Variants in NFIA observed in about 807,000 individuals in gnomAD.
The protein encoded by NFIA is nuclear factor 1 A-type.
Under a neutral mutation model 62.8 loss-of-function variants are expected in NFIA, and 8 were observed. The ratio of observed to expected loss-of-function variants is 0.13; its 90% CI spans 0.07 to 0.23. The LOEUF (loss-of-function observed/expected upper bound fraction) is 0.23, where lower values mean the gene tolerates loss of function less well. NFIA is among the 10% of genes least tolerant of loss of function. The pLI is 1.00. For synonymous variants in NFIA, 235 were observed against 238.1 expected (o/e 0.99, Z 0.12); for missense variants, 410 against 642.1 (o/e 0.64, Z 3.91).
Position 61,461,651 on chromosome 1 carries a change from G to A in NFIA, c.*6331G>A, listed in dbSNP as rs1373153182. 6.6e-6 allele frequency: 1 copy of A among 152,124 alleles called. No homozygotes were observed. The highest frequency in any genetic ancestry group is 1.5e-5 in the Non-Finnish European group (1 of 68,026). 9.4% of individuals were successfully genotyped at this position (152,124 alleles called of 1,614,324 possible). A position where few individuals can be genotyped will look rare whatever the true frequency, so the allele number is the denominator to read the frequency against. The stretch of plus-strand genomic sequence containing the variant: ...TGAGAACAGGGAGACAGTGTGTGGG[G>A]GTGGGACCTCATCTGTGTGCCTGGT... On this transcript the variant is annotated 3_prime_UTR_variant, in exon 11 of 11. Transcript: ENST00000403491.
intron 2 of NFIA, among the ~76,000 whole-genome samples, chr1:61,185,635 CTTT>C (rs755426214): frequency 2.3e-5 from 3 of 130,696 alleles, no homozygotes; most frequent in Admixed American, 7.8e-5. Context: ...TCTAACCCCA[CTTT>C]TTTTTTTTTT....
intron 6 of NFIA, among the ~76,000 whole-genome samples, chr1:61,383,002 A>G (rs944878961): frequency 5.9e-5 from 9 of 152,200 alleles, no homozygotes; most frequent in Non-Finnish European, 1.2e-4. Flanking sequence ...TAACCCAAAA[A>G]TGGACTGTGA....
intron 4 of NFIA, among the ~76,000 whole-genome samples, chr1:61,334,070 C>T (rs973497812): frequency 3.9e-5 from 6 of 152,160 alleles, no homozygotes; most frequent in East Asian, 3.9e-4. Flanking sequence ...TGCCAGTATC[C>T]GTACTCTTAG....
intron 3 of NFIA, among the ~76,000 whole-genome samples, chr1:61,319,523 T>A (rs72911974): frequency 0.024 from 3,632 of 152,164 alleles, 175 homozygotes; most frequent in African/African-American, 0.08. Flanking sequence ...TCAAGCTGTG[T>A]GTCTGTGTGT....
chr1:61,279,148 G>C (rs1220206083), intron 3 of NFIA, among the ~76,000 whole-genome samples: 1 of 151,978 alleles, frequency 6.6e-6, no homozygotes, highest in African/African-American at 2.4e-5. Flanking sequence ...GTTCCATGTT[G>C]ATCTCCATCC....
chr1:61,082,418 G>GGTGCA (rs1329294865), upstream of NFIA: 27 of 940,900 alleles, frequency 2.9e-5, no homozygotes, highest in East Asian at 3.5e-4. Flanking sequence ...TGTGCGGTGC[G>GGTGCA]GTGCAGAGCG....
intron 4 of NFIA, among the ~76,000 whole-genome samples, chr1:61,342,725 G>A (rs78106777): frequency 0.018 from 2,756 of 152,280 alleles, 75 homozygotes; most frequent in African/African-American, 0.06. Context: ...CTATTTAAAC[G>A]TGTTGAATAT....
rs200992718 is a variant in NFIA at position 61,196,735 on chromosome 1, C to T, written c.560-80785C>T. Among the ~76,000 whole-genome samples, 4 of 152,246 alleles carry T rather than the reference C, an allele frequency of 2.6e-5. No individual in the cohort carries two copies. In the East Asian group the frequency reaches 5.8e-4, roughly 22 times the overall value. On this transcript the variant is annotated intron_variant, in intron 2 of 10. Transcript: ENST00000403491. Reference sequence around the variant, plus strand: ...AGCTTGAAGCAGTGTTGTCTGAAGCCTGAAACGGCTGATGTTAATCTTCAG... The same window carrying T: ...AGCTTGAAGCAGTGTTGTCTGAAGCTTGAAACGGCTGATGTTAATCTTCAG...
chr1:61,097,034 A>G lies in NFIA; in HGVS notation c.559+8354A>G, dbSNP rs540689659. On this transcript the variant is annotated intron_variant, in intron 2 of 10. Coordinates refer to ENST00000403491, the MANE Select transcript of NFIA (RefSeq NM_001134673.4). ...CAGCTGAACTGAACTTACAGCAAAG[A>G]AAATAAAATAGCTTTCTTTTTAAGA... Among the ~76,000 whole-genome samples, 31 of 152,360 alleles carry G rather than the reference A, an allele frequency of 2.0e-4. No individual in the cohort carries two copies. In the South Asian group the frequency reaches 6.2e-3, roughly 31 times the overall value.
intron 10 of NFIA, among the ~76,000 whole-genome samples, chr1:61,445,716 T>C (rs1445646017): frequency 6.6e-6 from 1 of 152,244 alleles, no homozygotes; most frequent in Non-Finnish European, 1.5e-5. Context: ...GGTGAAACCC[T>C]GACACACACA....
At chr1:61,181,881 A>G (rs755284679) in intron 2 of NFIA, among the ~76,000 whole-genome samples, 2 of 152,206 alleles carry the variant, frequency 1.3e-5, no homozygotes, top group African/African-American at 2.4e-5. Context: ...TTAATTCCCA[A>G]TGAATTACTT....
At chr1:61,336,228 A>T (rs1661598841) in intron 4 of NFIA, among the ~76,000 whole-genome samples, 1 of 152,074 alleles carries the variant, frequency 6.6e-6, no homozygotes, top group African/African-American at 2.4e-5. Context: ...GATTTGATAC[A>T]CTTTTAGCTT....
chr1:61,459,767 T>A lies in NFIA; in HGVS notation c.*4447T>A, dbSNP rs1229565005. On this transcript the variant is annotated 3_prime_UTR_variant, in exon 11 of 11. Coordinates refer to ENST00000403491, the MANE Select transcript of NFIA (RefSeq NM_001134673.4). Reference sequence around the variant, plus strand: ...TTTGAATCCTGTAGTTACAGTGGCATAAAGGACTGACAAAACCTGGATAAG... The same window carrying A: ...TTTGAATCCTGTAGTTACAGTGGCAAAAAGGACTGACAAAACCTGGATAAG... The A allele has an allele frequency of 1.3e-5, 2 of 152,236 alleles. No individual in the cohort carries two copies. Among genetic ancestry groups the A allele is most frequent in the Non-Finnish European group, 2.9e-5 (2 of 68,046 alleles). The allele number at this position is 152,236 out of a possible 1,614,324, so 9.4% of individuals were successfully genotyped here.
intron 7 of NFIA, among the ~76,000 whole-genome samples, chr1:61,400,609 A>C (rs999115692): frequency 6.6e-6 from 1 of 152,216 alleles, no homozygotes; most frequent in Admixed American, 6.5e-5. Context: ...ATGCATTTAC[A>C]TAATGTGCTA....
At chr1:61,089,636 G>C (rs1646281154) in intron 2 of NFIA, among the ~76,000 whole-genome samples, 1 of 151,272 alleles carries the variant, frequency 6.6e-6, no homozygotes, top group Non-Finnish European at 1.5e-5. Flanking sequence ...GGAAGAAAGA[G>C]GGTTGTGGAA....
intron 2 of NFIA, among the ~76,000 whole-genome samples, chr1:61,213,547 A>G (rs570694662): frequency 6.6e-6 from 1 of 152,318 alleles, no homozygotes; most frequent in South Asian, 2.1e-4. Context: ...TCCCACCCCA[A>G]CTGAACTTGA....
chr1:61,345,213 A>G (rs775089889), intron 4 of NFIA, among the ~76,000 whole-genome samples: 7 of 152,214 alleles, frequency 4.6e-5, no homozygotes, highest in Non-Finnish European at 1.0e-4. Flanking sequence ...TAATTACAAT[A>G]CTACTTAAGA....
chr1:61,322,615 C>A (rs1442176260), intron 3 of NFIA, among the ~76,000 whole-genome samples: 1 of 149,762 alleles, frequency 6.7e-6, no homozygotes, highest in South Asian at 2.1e-4. Context: ...CCACTCCTAA[C>A]TGTAAGGCAG....
At chr1:61,141,196 A>G (rs189846898) in intron 2 of NFIA, among the ~76,000 whole-genome samples, 1 of 152,256 alleles carries the variant, frequency 6.6e-6, no homozygotes, top group East Asian at 1.9e-4. Context: ...CTGATGTGCT[A>G]CAAGATCGAA....
Sources: allele counts gnomAD v4.1 joint callset (sites outside exome capture counted in the v4.1 genomes callset), GRCh38; gene constraint gnomAD v4.1.1; transcripts MANE v1.5; gene names NCBI Gene and HGNC (gene_info 2026-07-23, HGNC 2026-07-21).